NBEAL1: variants seen among roughly 807,000 people sequenced by gnomAD.
The protein encoded by NBEAL1 is neurobeachin like 1.
In NBEAL1, 273 loss-of-function variants were observed where a neutral mutation model predicts 351.3. The observed-to-expected ratio is 0.78, with a 90% CI of 0.70 to 0.86. The LOEUF is 0.86. Among genes scored for constraint, NBEAL1 ranks in the 40% least tolerant of loss-of-function variants. NBEAL1 has a pLI of 0.00. For missense variants in NBEAL1, 2,961 were observed against 3,201.3 expected, an observed-to-expected ratio of 0.92 and a Z score of 1.81; for synonymous variants, 1,050 against 1,086.4, an observed-to-expected ratio of 0.97 and a Z score of 0.66.
intron 35 of NBEAL1, among the ~76,000 whole-genome samples, chr2:203,152,970 A>G (rs2063699493): frequency 1.3e-5 from 2 of 151,886 alleles, no homozygotes. Context: ...CCCGAGAGGC[A>G]GAGGTGGCAG....
chr2:203,085,319 A>C (rs1468748800), intron 10 of NBEAL1: 3 of 152,142 alleles, frequency 2.0e-5, no homozygotes, highest in African/African-American at 7.2e-5. Flanking sequence ...CCATCTCTTG[A>C]CCTTGTGATC....
chr2:203,149,134 A>C lies in NBEAL1; in HGVS notation c.5448A>C (p.Gly1816=). ...AGCTCTATCTTACATGTGAAAGGGG[A>C]CCTTGGGCTAAAAGGTAAGAGGATA... ...AIQLYLTCER[G]PWAKRKQNPI... is the part of the protein sequence containing the mutation. The change falls in exon 34 of 56, where the codon GGA becomes GGC. Residue 1816 remains glycine (G), a synonymous_variant. Coordinates refer to ENST00000683969, the MANE Select transcript of NBEAL1 (RefSeq NM_001378026.1). The C allele has an allele frequency of 6.3e-7, 1 of 1,598,206 alleles. No homozygotes were observed. Among genetic ancestry groups the C allele is most frequent in the Non-Finnish European group, 8.5e-7 (1 of 1,171,436 alleles).
chr2:203,039,679 C>A (rs1334322213), intron 2 of NBEAL1, among the ~76,000 whole-genome samples: 2 of 152,196 alleles, frequency 1.3e-5, no homozygotes, highest in Non-Finnish European at 2.9e-5. Context: ...CTGGCATGAG[C>A]CACTGTGCCT....
intron 55 of NBEAL1, among the ~76,000 whole-genome samples, chr2:203,216,746 C>T (rs750880160): frequency 3.3e-5 from 5 of 152,086 alleles, no homozygotes; most frequent in Non-Finnish European, 5.9e-5. Flanking sequence ...AGAGCTTTCT[C>T]AAAGACAAAA....
At chr2:203,118,541 C>T (rs2062751104) in intron 18 of NBEAL1, among the ~76,000 whole-genome samples, 1 of 151,730 alleles carries the variant, frequency 6.6e-6, no homozygotes, top group African/African-American at 2.4e-5. Flanking sequence ...GAAATAATTG[C>T]ATATAATCCA....
At chr2:203,142,242 G>A (rs376309658) in intron 31 of NBEAL1, among the ~76,000 whole-genome samples, 3 of 152,212 alleles carry the variant, frequency 2.0e-5, no homozygotes, top group South Asian at 2.1e-4. Flanking sequence ...TGCAACCTCC[G>A]CCTCCTGGGT....
chr2:203,207,736 C>T (rs2065650738), intron 51 of NBEAL1, among the ~76,000 whole-genome samples: 1 of 152,174 alleles, frequency 6.6e-6, no homozygotes, highest in Admixed American at 6.5e-5. Context: ...AGAGTCATCA[C>T]CACTCCCTAA....
chr2:203,088,135 C>G (rs918560363), intron 10 of NBEAL1, among the ~76,000 whole-genome samples: 2 of 152,122 alleles, frequency 1.3e-5, no homozygotes, highest in Admixed American at 6.6e-5. Flanking sequence ...ACAGCTACAA[C>G]ATGTATTAAA....
chr2:203,028,093 A>G (rs1487167126), intron 2 of NBEAL1, among the ~76,000 whole-genome samples: 23 of 152,054 alleles, frequency 1.5e-4, no homozygotes. Context: ...CATGTTGGCC[A>G]GGAAGGTCTT....
chr2:203,157,720 C>T lies in NBEAL1; in HGVS notation c.5609C>T (p.Ser1870Phe). The part of the protein sequence containing the change: ...DNLGIQHSQP[S>F]SDTLLLEVVK... ...ACAGGTATCCAACACTCACAGCCTT[C>T]CAGTGATACATTGCTTTTGGAAGTA... Residue 1870 changes from serine to phenylalanine, a missense_variant, in exon 36 of 56, where the codon TCC (serine) becomes TTC (phenylalanine). By Grantham distance (155) the Ser-to-Phe change is radical. Transcript: ENST00000683969. 1 of 1,597,370 alleles carries T rather than the reference C, an allele frequency of 6.3e-7. No homozygotes were observed. The highest frequency in any genetic ancestry group is 8.5e-7 in the Non-Finnish European group (1 of 1,173,410).
At position 203,138,675 on chromosome 2, in the gene NBEAL1, G is replaced by A. The variant is rs1340195725; in HGVS notation, c.4775G>A (p.Ser1592Asn). 3 of 1,613,378 alleles carry A rather than the reference G, an allele frequency of 1.9e-6. No individual in the cohort carries two copies. Among genetic ancestry groups the A allele is most frequent in the Non-Finnish European group, 2.5e-6 (3 of 1,179,710 alleles). ...FDCLSVCYSE[S>N]PVWVKLSQIQ... is the part of the protein sequence containing the mutation. ...TGTCTGTCAGTCTGCTATTCTGAAA[G>A]TCCAGTATGGGTAAAACTCTCTCAA... The change falls in exon 31 of 56, where the codon AGT becomes AAT. Residue 1592 changes from serine to asparagine, a missense_variant. Coordinates refer to ENST00000683969, the MANE Select transcript of NBEAL1 (RefSeq NM_001378026.1).
intron 38 of NBEAL1, 108 bp from the exon 39 acceptor site, chr2:203,169,639 G>T: frequency 1.7e-6 from 1 of 579,284 alleles, no homozygotes. Context: ...ACACTAAGTT[G>T]TATACTTTAA....
At chr2:203,036,786 G>A (rs2061047136) in intron 2 of NBEAL1, among the ~76,000 whole-genome samples, 1 of 148,980 alleles carries the variant, frequency 6.7e-6, no homozygotes, top group Admixed American at 6.8e-5. Flanking sequence ...CAGACCTTTA[G>A]AATTTGAACC....
In NBEAL1 at chr2:203,138,310, G is replaced by C. The variant is rs556923204; in HGVS notation, c.4714G>C (p.Glu1572Gln). ...ACTAGTTAATTCAAACATGTGGACC[G>C]AGAAGGTGCAGTAATATCTCTTTAA... is the stretch of plus-strand genomic sequence containing the variant. ...EGLVNSNMWTEKLLEDMMLLF... is the reference protein window; with the variant it reads ...EGLVNSNMWTQKLLEDMMLLF... Residue 1572 changes from glutamate to glutamine, a missense_variant, in exon 30 of 56, where the codon GAG becomes CAG. Coordinates refer to ENST00000683969, the MANE Select transcript of NBEAL1 (RefSeq NM_001378026.1). 23 of 1,610,142 alleles carry C rather than the reference G, an allele frequency of 1.4e-5. No individual in the cohort carries two copies.
intron 31 of NBEAL1, 30 bp downstream of exon 31, chr2:203,138,778 T>A: frequency 6.3e-7 from 1 of 1,591,602 alleles, no homozygotes; most frequent in Non-Finnish European, 8.5e-7. Context: ...TTATTTTCTG[T>A]GCTTGCATGC....
chr2:203,183,264 T>C lies in NBEAL1; in HGVS notation c.6596-15T>C. The stretch of plus-strand genomic sequence containing the variant: ...TCTAAAATGATTTGATACATTTTCT[T>C]TTTACATGTCTTAGAATTTAACTTG... On this transcript the variant is annotated splice_polypyrimidine_tract_variant and intron_variant, in intron 43 of 55. Transcript: ENST00000683969. 5 of 1,391,094 alleles carry C rather than the reference T, an allele frequency of 3.6e-6. No homozygotes were observed. The highest frequency in any genetic ancestry group is 5.0e-6 in the Non-Finnish European group (5 of 1,000,010). 86.2% of individuals were successfully genotyped at this position (1,391,094 alleles called of 1,614,324 possible). A position where few individuals can be genotyped will look rare whatever the true frequency, so the allele number is the denominator to read the frequency against.
chr2:203,166,006 CA>C (rs2106393332), intron 36 of NBEAL1, 142 bp from the exon 37 acceptor site: 1 of 642,738 alleles, frequency 1.6e-6, no homozygotes, highest in South Asian at 2.7e-5. Flanking sequence ...GACATTGTGC[CA>C]CTGCACTCCA....
At chr2:203,102,854 A>AT (rs1164464688) in intron 12 of NBEAL1, among the ~76,000 whole-genome samples, 1 of 152,110 alleles carries the variant, frequency 6.6e-6, no homozygotes, top group African/African-American at 2.4e-5. Context: ...TTCCTCCTCA[A>AT]TTTTTTGGAA....
intron 29 of NBEAL1, 111 bp downstream of exon 29, chr2:203,136,885 A>G: frequency 1.0e-6 from 1 of 979,106 alleles, no homozygotes; most frequent in Non-Finnish European, 1.5e-6. Flanking sequence ...ACAAGGGAGA[A>G]AAAGAGAAAC....
Sources: gnomAD v4.1 joint callset for allele counts (sites outside exome capture counted in the v4.1 genomes callset) on GRCh38, gnomAD v4.1.1 for gene constraint, MANE v1.5 for transcripts, NCBI Gene and HGNC (gene_info 2026-07-23, HGNC 2026-07-21) for gene names.